Variants in TCF12 observed in about 807,000 individuals in gnomAD.
TCF12 encodes the protein transcription factor 12.
Under a neutral mutation model 86.0 loss-of-function variants are expected in TCF12, and 45 were observed. The ratio of observed to expected loss-of-function variants is 0.52; its 90% CI spans 0.41 to 0.67. The LOEUF (loss-of-function observed/expected upper bound fraction) is 0.67, where lower values mean the gene tolerates loss of function less well. Among genes scored for constraint, TCF12 ranks in the 30% least tolerant of loss-of-function variants. The probability of loss-of-function intolerance (pLI) is 0.00; values close to 1 mark genes in which losing one functional copy is unlikely to be tolerated. For synonymous variants in TCF12, 330 were observed against 299.6 expected, an observed-to-expected ratio of 1.10 and a Z score of -1.05; for missense variants, 881 against 859.9, an observed-to-expected ratio of 1.02 and a Z score of -0.31.
intron 3 of TCF12, among the ~76,000 whole-genome samples, chr15:56,984,449 C>T (rs1355638582): frequency 6.6e-6 from 1 of 151,990 alleles, no homozygotes; most frequent in African/African-American, 2.4e-5. Flanking sequence ...GTGTTTAGCA[C>T]GTAAGCTGAT....
intron 5 of TCF12, among the ~76,000 whole-genome samples, chr15:57,149,625 C>T (rs1477520334): frequency 6.6e-6 from 1 of 152,102 alleles, no homozygotes; most frequent in African/African-American, 2.4e-5. Context: ...TTTAGATTGT[C>T]CAAGAGTTTA....
At chr15:57,023,893 A>G (rs545029874) in intron 3 of TCF12, among the ~76,000 whole-genome samples, 153 of 152,322 alleles carry the variant, frequency 1.0e-3, no homozygotes, top group Non-Finnish European at 1.7e-3. Flanking sequence ...ATCATCAGGC[A>G]TTAGATTCTC....
chr15:57,192,405 T>G, intron 7 of TCF12, 112 bp downstream of exon 7: 1 of 1,427,782 alleles, frequency 7.0e-7, no homozygotes, highest in South Asian at 1.4e-5. Flanking sequence ...GTTTCTTTGT[T>G]TAAGACAGCG....
At chr15:57,180,435 A>G (rs2056254756) in intron 6 of TCF12, among the ~76,000 whole-genome samples, 1 of 152,204 alleles carries the variant, frequency 6.6e-6, no homozygotes, top group Admixed American at 6.5e-5. Flanking sequence ...CCTCAGTGAC[A>G]AAAGAAACAC....
chr15:57,224,044 C>T (rs1282903161), intron 8 of TCF12, among the ~76,000 whole-genome samples: 1 of 151,734 alleles, frequency 6.6e-6, no homozygotes, highest in African/African-American at 2.4e-5. Flanking sequence ...GTGTGTGAGC[C>T]CAAGAAAGTT....
At chr15:57,129,994 A>G (rs751075863) in intron 5 of TCF12, 2 of 152,240 alleles carry the variant, frequency 1.3e-5, no homozygotes, top group Admixed American at 6.5e-5. Context: ...TAGTTACTGT[A>G]TATGATACTG....
At chr15:57,073,733 A>C (rs2069618351) in intron 4 of TCF12, among the ~76,000 whole-genome samples, 1 of 152,076 alleles carries the variant, frequency 6.6e-6, no homozygotes, top group Admixed American at 6.5e-5. Flanking sequence ...GGACAGAGTC[A>C]CTAGAAGTTT....
chr15:57,007,847 TCCCTC>T (rs2064530924), intron 3 of TCF12, among the ~76,000 whole-genome samples: 3 of 85,572 alleles, frequency 3.5e-5, no homozygotes, highest in Non-Finnish European at 7.1e-5. Flanking sequence ...TTTCTCTCTT[TCCCTC>T]CCTTCCTTCC....
chr15:57,087,968 G>A (rs1289411104), intron 4 of TCF12, among the ~76,000 whole-genome samples: 2 of 152,156 alleles, frequency 1.3e-5, no homozygotes, highest in Non-Finnish European at 2.9e-5. Flanking sequence ...GGAGTCCTGG[G>A]AGCCATGTTT....
chr15:57,010,394 A>G (rs560653825), intron 3 of TCF12, among the ~76,000 whole-genome samples: 30 of 152,304 alleles, frequency 2.0e-4, no homozygotes, highest in Non-Finnish European at 3.7e-4. Flanking sequence ...ACAAAAATAA[A>G]CAAGACATGC....
intron 5 of TCF12, among the ~76,000 whole-genome samples, chr15:57,119,058 A>C (rs1345248314): frequency 6.6e-6 from 1 of 152,068 alleles, no homozygotes; most frequent in Admixed American, 6.6e-5. Context: ...CAGTTAATGA[A>C]GGGCTATTTA....
At chr15:56,940,396 T>A (rs1567135759) in intron 3 of TCF12, among the ~76,000 whole-genome samples, 1 of 152,154 alleles carries the variant, frequency 6.6e-6, no homozygotes, top group East Asian at 1.9e-4. Flanking sequence ...TGTCTTCATA[T>A]TTTGAAGTTA....
chr15:57,022,293 C>T (rs573252932), intron 3 of TCF12, among the ~76,000 whole-genome samples: 3 of 152,214 alleles, frequency 2.0e-5, no homozygotes, highest in African/African-American at 7.2e-5. Context: ...GTTCATTTCC[C>T]ACCTATGAGT....
At chr15:57,074,937 G>C (rs1295035330) in intron 4 of TCF12, among the ~76,000 whole-genome samples, 3 of 152,138 alleles carry the variant, frequency 2.0e-5, no homozygotes, top group African/African-American at 7.2e-5. Flanking sequence ...TTAGATTTTT[G>C]TGTCATGTAT....
chr15:56,996,212 C>G (rs1284111561), intron 3 of TCF12, among the ~76,000 whole-genome samples: 1 of 152,006 alleles, frequency 6.6e-6, no homozygotes, highest in Non-Finnish European at 1.5e-5. Context: ...ATTTTTGTGT[C>G]TGTATTCATC....
rs1366844752 is a variant in TCF12, at chr15:56,941,680, T to G, written c.148+20582T>G. Reference sequence around the variant, plus strand: ...GTGAGTCACGTGCCTGGTCTTCTTCTTCTTCTTTTTTTTTTTTTTATTAGG... The same window carrying G: ...GTGAGTCACGTGCCTGGTCTTCTTCGTCTTCTTTTTTTTTTTTTTATTAGG... On this transcript the variant is annotated intron_variant, in intron 3 of 20. Coordinates refer to ENST00000333725, the MANE Select transcript of TCF12 (RefSeq NM_207037.2). Among the ~76,000 whole-genome samples the G allele has an allele frequency of 4.3e-5, 6 of 140,080 alleles. No homozygotes were observed. In the South Asian group the frequency reaches 6.8e-4, roughly 16 times the overall value. 91.9% of individuals were successfully genotyped at this position (140,080 alleles called of 152,430 possible).
At chr15:57,047,188 G>T (rs555859972) in intron 3 of TCF12, among the ~76,000 whole-genome samples, 131 of 152,162 alleles carry the variant, frequency 8.6e-4, no homozygotes, top group Non-Finnish European at 1.4e-3. Flanking sequence ...TTTTCTAACG[G>T]GTTTTACATA....
chr15:57,201,757 A>T (rs7179311), intron 8 of TCF12, among the ~76,000 whole-genome samples: 35,198 of 152,004 alleles, frequency 0.23, 4,514 homozygotes, highest in African/African-American at 0.35. Context: ...TTGGATTTGC[A>T]GGGTGTTTTA....
At chr15:57,143,901 G>C (rs1669860400) in intron 5 of TCF12, among the ~76,000 whole-genome samples, 1 of 152,160 alleles carries the variant, frequency 6.6e-6, no homozygotes, top group African/African-American at 2.4e-5. Flanking sequence ...GCTTACTTCT[G>C]TCTCCAGTAA....
Sources: allele counts gnomAD v4.1 joint callset (sites outside exome capture counted in the v4.1 genomes callset), GRCh38; gene constraint gnomAD v4.1.1; transcripts MANE v1.5; gene names NCBI Gene and HGNC (gene_info 2026-07-23, HGNC 2026-07-21).